The following SLC2A13 variants were observed in gnomAD, a reference collection of about 807,000 sequenced individuals.
The protein encoded by SLC2A13 is solute carrier family 2 member 13.
Under a neutral mutation model 64.4 loss-of-function variants are expected in SLC2A13, and 32 were observed. That is an observed-to-expected ratio of 0.50 (90% confidence interval 0.37 to 0.67). The LOEUF is 0.67. Among genes scored for constraint, SLC2A13 ranks in the 30% least tolerant of loss-of-function variants. The probability of loss-of-function intolerance (pLI) is 0.00; values close to 1 mark genes in which losing one functional copy is unlikely to be tolerated. For missense variants in SLC2A13, 743 were observed against 829.2 expected (o/e 0.90, Z 1.28); for synonymous variants, 338 against 327.1 (o/e 1.03, Z -0.36).
At chr12:40,047,615 G>A (rs1158934186) in intron 2 of SLC2A13, among the ~76,000 whole-genome samples, 1 of 152,122 alleles carries the variant, frequency 6.6e-6, no homozygotes, top group East Asian at 1.9e-4. Flanking sequence ...TCTTTTTATA[G>A]AGGTATATTT....
chr12:40,053,617 T>C (rs1948293511), intron 1 of SLC2A13, among the ~76,000 whole-genome samples: 1 of 152,184 alleles, frequency 6.6e-6, no homozygotes, highest in Non-Finnish European at 1.5e-5. Flanking sequence ...GCCTGCTAAG[T>C]GACTTACTGC....
intron 6 of SLC2A13, among the ~76,000 whole-genome samples, chr12:39,831,185 G>A (rs1414195571): frequency 6.6e-6 from 1 of 152,148 alleles, no homozygotes; most frequent in Non-Finnish European, 1.5e-5. Flanking sequence ...ATGAGAAACA[G>A]ATGAACAACG....
intron 1 of SLC2A13, among the ~76,000 whole-genome samples, chr12:40,067,039 G>A (rs1937754300): frequency 6.6e-6 from 1 of 152,104 alleles, no homozygotes; most frequent in African/African-American, 2.4e-5. Flanking sequence ...TCGAGTTGCA[G>A]GTCTGCCACT....
intron 7 of SLC2A13, among the ~76,000 whole-genome samples, chr12:39,815,459 A>C (rs1194899015): frequency 1.3e-5 from 2 of 152,164 alleles, no homozygotes; most frequent in Non-Finnish European, 2.9e-5. Context: ...CGTAGGCTGG[A>C]GCATTCTTTC....
chr12:39,786,372 A>ACCGTGATTCTGAGGCCTCCCCAG (rs1941186407), intron 7 of SLC2A13, among the ~76,000 whole-genome samples: 2 of 149,998 alleles, frequency 1.3e-5, no homozygotes, highest in South Asian at 2.2e-4. Context: ...TTCATCTCCC[A>ACCGTGATTCTGAGGCCTCCCCAG]CCATGATTCT....
At chr12:40,020,421 T>G (rs770460495) in intron 3 of SLC2A13, among the ~76,000 whole-genome samples, 3 of 152,224 alleles carry the variant, frequency 2.0e-5, no homozygotes, top group Non-Finnish European at 2.9e-5. Context: ...CCTGCGGCCA[T>G]GTGAGACGTG....
At chr12:40,076,385 TTACTTA>T (rs1364004477) in intron 1 of SLC2A13, among the ~76,000 whole-genome samples, 1 of 152,144 alleles carries the variant, frequency 6.6e-6, no homozygotes, top group Non-Finnish European at 1.5e-5. Context: ...TGTTTAGCTC[TTACTTA>T]TAAGTGAGAA....
At chr12:39,860,136 C>A (rs1032749611) in intron 6 of SLC2A13, among the ~76,000 whole-genome samples, 5 of 152,096 alleles carry the variant, frequency 3.3e-5, no homozygotes, top group Non-Finnish European at 7.4e-5. Context: ...TGTATGGGGA[C>A]AAGAGAAGCC....
intron 5 of SLC2A13, among the ~76,000 whole-genome samples, chr12:39,869,609 C>G (rs1185565854): frequency 6.6e-6 from 1 of 152,128 alleles, no homozygotes; most frequent in Non-Finnish European, 1.5e-5. Flanking sequence ...CTATAGGTTG[C>G]TCATGAGAAG....
At chr12:39,913,831 T>C (rs1372964734) in intron 4 of SLC2A13, among the ~76,000 whole-genome samples, 1 of 151,898 alleles carries the variant, frequency 6.6e-6, no homozygotes, top group East Asian at 1.9e-4. Context: ...TAAGCCAATA[T>C]GAAAAGAATG....
At chr12:39,878,824 A>G (rs1944265138) in intron 4 of SLC2A13, among the ~76,000 whole-genome samples, 1 of 152,260 alleles carries the variant, frequency 6.6e-6, no homozygotes, top group African/African-American at 2.4e-5. Context: ...AAAGGAAGCC[A>G]GGTGCTAATA....
intron 3 of SLC2A13, among the ~76,000 whole-genome samples, chr12:40,007,821 T>A (rs2136190529): frequency 6.6e-6 from 1 of 152,232 alleles, no homozygotes; most frequent in South Asian, 2.1e-4. Context: ...CCATTAAATA[T>A]GAGTGGTAGC....
In SLC2A13 at chr12:40,048,140, G is replaced by C; in HGVS notation, c.627C>G (p.Val209=). The C allele has an allele frequency of 6.2e-7, 1 of 1,613,498 alleles. No individual in the cohort carries two copies. Among genetic ancestry groups the C allele is most frequent in the East Asian group, 2.2e-5 (1 of 44,852 alleles). ...CTGTGATGAAGAGGGTATTAATGGTGACTAATCGGCCTCTTAAATTGGGTG... is the reference window on the plus strand; with the variant it reads ...CTGTGATGAAGAGGGTATTAATGGTCACTAATCGGCCTCTTAAATTGGGTG... ...VSPPNLRGRL[V]TINTLFITGG... The change falls in exon 2 of 10, where the codon GTC becomes GTG. Residue 209 remains valine, a synonymous_variant. Transcript: ENST00000280871.
At chr12:40,098,794 T>C (rs1939048400) in intron 1 of SLC2A13, among the ~76,000 whole-genome samples, 2 of 152,236 alleles carry the variant, frequency 1.3e-5, no homozygotes, top group Non-Finnish European at 2.9e-5. Flanking sequence ...GAATTAGCCA[T>C]GTGCAAAATG....
intron 7 of SLC2A13, among the ~76,000 whole-genome samples, chr12:39,766,831 T>G (rs1323991635): frequency 6.6e-6 from 1 of 152,078 alleles, no homozygotes; most frequent in African/African-American, 2.4e-5. Context: ...TATCATGAGA[T>G]TGCAGCAATT....
At chr12:40,026,483 A>G (rs546719571) in intron 3 of SLC2A13, among the ~76,000 whole-genome samples, 112 of 152,334 alleles carry the variant, frequency 7.4e-4, no homozygotes, top group African/African-American at 2.5e-3. Flanking sequence ...TCATTTGGTT[A>G]TATATTCCGA....
intron 3 of SLC2A13, among the ~76,000 whole-genome samples, chr12:40,027,355 T>C (rs1319697040): frequency 6.6e-6 from 1 of 152,192 alleles, no homozygotes; most frequent in African/African-American, 2.4e-5. Flanking sequence ...GCTCACAGTT[T>C]GTTGAGGCTT....
chr12:39,987,687 T>G (rs1042714360), intron 3 of SLC2A13, among the ~76,000 whole-genome samples: 5 of 152,196 alleles, frequency 3.3e-5, no homozygotes, highest in Non-Finnish European at 7.4e-5. Context: ...TTTATTTTTT[T>G]TCACTTTTTG....
At chr12:40,044,507 A>C (rs1948143131) in intron 2 of SLC2A13, among the ~76,000 whole-genome samples, 1 of 152,216 alleles carries the variant, frequency 6.6e-6, no homozygotes. Context: ...TTATTAAAAA[A>C]TCAAATCTTT....
Sources: gnomAD v4.1 joint callset for allele counts (sites outside exome capture counted in the v4.1 genomes callset) on GRCh38, gnomAD v4.1.1 for gene constraint, MANE v1.5 for transcripts, NCBI Gene and HGNC (gene_info 2026-07-23, HGNC 2026-07-21) for gene names.